Variants in PRKN observed in about 807,000 individuals in gnomAD.
PRKN encodes E3 ubiquitin-protein ligase parkin.
Under a neutral mutation model 59.5 loss-of-function variants are expected in PRKN, and 56 were observed. The observed-to-expected ratio is 0.94, with a 90% confidence interval of 0.76 to 1.18. The LOEUF (loss-of-function observed/expected upper bound fraction) is 1.18, where lower values mean the gene tolerates loss of function less well. Ranked by LOEUF, PRKN falls within the 50% of genes most tolerant of loss-of-function variation. The pLI is 0.00. For synonymous variants in PRKN, 250 were observed against 222.1 expected (o/e 1.13, Z -1.12); for missense variants, 657 against 596.4 (o/e 1.10, Z -1.06).
rs1554304695 is a variant in PRKN at position 162,359,079 on chromosome 6, A to AATATAT, written c.171+84225_171+84230dup. The stretch of plus-strand genomic sequence containing the variant: ...TGTGGCAAAAAAAAAAAAAAAAAAA[A>AATATAT]ATATATATATATATATATGAAATCA... On this transcript the variant is annotated intron_variant, in intron 2 of 11. Transcript: ENST00000366898. 3.1e-3 allele frequency among the ~76,000 whole-genome samples: 256 copies of AATATAT among 83,192 alleles called. 6 individuals are homozygous for AATATAT. The highest frequency in any genetic ancestry group is 6.0e-3 in the Middle Eastern group (1 of 166). 54.6% of individuals were successfully genotyped at this position (83,192 alleles called of 152,430 possible).
At chr6:162,207,945 T>C (rs1364098015) in intron 3 of PRKN, among the ~76,000 whole-genome samples, 1 of 152,178 alleles carries the variant, frequency 6.6e-6, no homozygotes, top group Non-Finnish European at 1.5e-5. Context: ...GCCATGATCA[T>C]TCAATATCTA....
chr6:161,744,521 G>A (rs558840189), intron 7 of PRKN, among the ~76,000 whole-genome samples: 21 of 152,256 alleles, frequency 1.4e-4, no homozygotes, highest in African/African-American at 5.1e-4. Flanking sequence ...CCATGGCCCA[G>A]GGCTTCGAGA....
intron 7 of PRKN, among the ~76,000 whole-genome samples, chr6:161,732,485 T>TTTTG (rs1554298360): frequency 1.4e-5 from 2 of 146,418 alleles, no homozygotes; most frequent in African/African-American, 2.5e-5. Context: ...TTTTTTTTTT[T>TTTTG]TGTGTGTGTG....
At chr6:162,545,542 A>C (rs1158294031) in intron 1 of PRKN, among the ~76,000 whole-genome samples, 1 of 152,194 alleles carries the variant, frequency 6.6e-6, no homozygotes, top group Non-Finnish European at 1.5e-5. Flanking sequence ...TTGGTTATTT[A>C]AATTTTAAGC....
chr6:162,349,534 A>G (rs1302677103), intron 2 of PRKN, among the ~76,000 whole-genome samples: 1 of 152,194 alleles, frequency 6.6e-6, no homozygotes, highest in Non-Finnish European at 1.5e-5. Context: ...CCACTGCCAT[A>G]ATACCAAAAC....
chr6:162,260,859 A>T (rs927603033), intron 3 of PRKN, among the ~76,000 whole-genome samples: 5 of 152,190 alleles, frequency 3.3e-5, no homozygotes, highest in Non-Finnish European at 5.9e-5. Flanking sequence ...GAACTAGTAG[A>T]TAGGTCTCCT....
At chr6:161,779,422 C>CTTTTTT (rs1790095754) in intron 7 of PRKN, among the ~76,000 whole-genome samples, 2 of 77,654 alleles carry the variant, frequency 2.6e-5, no homozygotes, top group African/African-American at 8.9e-5. Flanking sequence ...TCTTTTTTTT[C>CTTTTTT]TCTTTTTCTT....
intron 6 of PRKN, among the ~76,000 whole-genome samples, chr6:161,797,209 A>G (rs1483499695): frequency 6.6e-6 from 1 of 152,170 alleles, no homozygotes; most frequent in Non-Finnish European, 1.5e-5. Context: ...AAAATGAATG[A>G]ATGTAATCGT....
chr6:161,709,616 A>G (rs2128181885), intron 7 of PRKN, among the ~76,000 whole-genome samples: 1 of 152,358 alleles, frequency 6.6e-6, no homozygotes, highest in Admixed American at 6.5e-5. Context: ...TTTGGTTAAT[A>G]GCAGATCATG....
chr6:162,459,378 C>G (rs1791052963), intron 1 of PRKN, among the ~76,000 whole-genome samples: 1 of 152,060 alleles, frequency 6.6e-6, no homozygotes, highest in Admixed American at 6.6e-5. Context: ...CACCTTATAT[C>G]TTATATTAAC....
At chr6:162,094,262 G>T (rs1023847436) in intron 4 of PRKN, among the ~76,000 whole-genome samples, 2 of 152,114 alleles carry the variant, frequency 1.3e-5, no homozygotes, top group African/African-American at 4.8e-5. Context: ...GCCTGAGGTG[G>T]GAGGACTGCA....
At chr6:162,567,454 T>C (rs1392974412) in intron 1 of PRKN, among the ~76,000 whole-genome samples, 2 of 152,142 alleles carry the variant, frequency 1.3e-5, no homozygotes, top group Non-Finnish European at 2.9e-5. Context: ...CAAAAATCAG[T>C]AGCATTTCTA....
intron 1 of PRKN, among the ~76,000 whole-genome samples, chr6:162,601,098 C>T (rs1037394523): frequency 1.3e-5 from 2 of 152,180 alleles, no homozygotes; most frequent in Non-Finnish European, 2.9e-5. Flanking sequence ...AAGGCAACGG[C>T]ACCTGGTGAG....
chr6:162,071,970 C>A (rs543064633), intron 4 of PRKN, among the ~76,000 whole-genome samples: 2 of 152,246 alleles, frequency 1.3e-5, no homozygotes, highest in South Asian at 2.1e-4. Context: ...CTACCAAACA[C>A]TATCATAAAG....
At chr6:162,398,174 C>T (rs972472458) in intron 2 of PRKN, among the ~76,000 whole-genome samples, 7 of 151,918 alleles carry the variant, frequency 4.6e-5, no homozygotes, top group African/African-American at 1.7e-4. Context: ...ATTAAAAATC[C>T]CAGAGTGCTA....
chr6:161,835,000 A>G (rs754840400), intron 6 of PRKN, among the ~76,000 whole-genome samples: 6 of 152,076 alleles, frequency 3.9e-5, no homozygotes, highest in Admixed American at 2.0e-4. Context: ...AGCTTGGCCT[A>G]TACTCACTAG....
At chr6:161,476,741 G>A (rs1355697834) in intron 9 of PRKN, among the ~76,000 whole-genome samples, 6 of 152,212 alleles carry the variant, frequency 3.9e-5, no homozygotes, top group Admixed American at 2.0e-4. Flanking sequence ...CACTGGAGAT[G>A]TGCTGGAATT....
intron 6 of PRKN, among the ~76,000 whole-genome samples, chr6:161,942,279 C>G (rs1779593255): frequency 6.6e-6 from 1 of 152,046 alleles, no homozygotes; most frequent in South Asian, 2.1e-4. Context: ...ACTCTCAATC[C>G]CAGCACTTTG....
chr6:161,512,475 C>T (rs1469833008), intron 9 of PRKN, among the ~76,000 whole-genome samples: 4 of 152,154 alleles, frequency 2.6e-5, no homozygotes, highest in Non-Finnish European at 5.9e-5. Flanking sequence ...GAAGGGACAC[C>T]TCGTTGGTAG....
Sources: gnomAD v4.1 joint callset for allele counts (sites outside exome capture counted in the v4.1 genomes callset) on GRCh38, gnomAD v4.1.1 for gene constraint, MANE v1.5 for transcripts, NCBI Gene and HGNC (gene_info 2026-07-23, HGNC 2026-07-21) for gene names.